SMOC2: variants seen among roughly 807,000 people sequenced by gnomAD.
The protein encoded by SMOC2 is SPARC related modular calcium binding 2, also known as SPARC-related modular calcium-binding protein 2.
A neutral mutation model predicts 61.4 loss-of-function variants in SMOC2; 39 were observed. The ratio of observed to expected loss-of-function variants is 0.64; its 90% CI spans 0.49 to 0.83. SMOC2 has a LOEUF of 0.83. SMOC2 is among the 40% of genes least tolerant of loss of function. SMOC2 has a pLI of 0.00. For missense variants in SMOC2, 556 were observed against 592.9 expected (o/e 0.94, Z 0.65); for synonymous variants, 247 against 239.9 (o/e 1.03, Z -0.27).
intron 2 of SMOC2, among the ~76,000 whole-genome samples, chr6:168,519,113 G>T (rs963601553): frequency 6.6e-6 from 1 of 150,530 alleles, no homozygotes; most frequent in Non-Finnish European, 1.5e-5. Flanking sequence ...GTGAACGCGT[G>T]TGTATGCATG....
chr6:168,615,012 T>C (rs138208644), intron 9 of SMOC2, among the ~76,000 whole-genome samples: 1,247 of 14,296 alleles, frequency 0.087, 4 homozygotes, highest in Middle Eastern at 0.17. Context: ...GGCCTCTTCA[T>C]ACCTACAGCC....
intron 8 of SMOC2, among the ~76,000 whole-genome samples, chr6:168,599,623 A>ACCACACACACCCACAC (rs1785473502): frequency 2.1e-5 from 1 of 47,768 alleles, no homozygotes; most frequent in Non-Finnish European, 4.0e-5. Flanking sequence ...ACACACTCAT[A>ACCACACACACCCACAC]CCACACACAC....
chr6:168,451,238 C>G (rs938236522), intron 1 of SMOC2, among the ~76,000 whole-genome samples: 6 of 152,120 alleles, frequency 3.9e-5, no homozygotes, highest in Non-Finnish European at 7.3e-5. Flanking sequence ...ATTGAACTCC[C>G]GAGTACATGT....
intron 8 of SMOC2, among the ~76,000 whole-genome samples, chr6:168,599,382 CCA>C (rs1388198598): frequency 1.5e-5 from 2 of 129,052 alleles, no homozygotes; most frequent in East Asian, 2.8e-4. Flanking sequence ...CCACACACAC[CCA>C]CACTCACACA....
intron 1 of SMOC2, among the ~76,000 whole-genome samples, chr6:168,443,442 G>A (rs1001746220): frequency 1.3e-5 from 2 of 152,118 alleles, no homozygotes; most frequent in Non-Finnish European, 2.9e-5. Flanking sequence ...ACCCCACGTG[G>A]GCTTTGCCCT....
intron 1 of SMOC2, among the ~76,000 whole-genome samples, chr6:168,474,909 T>C (rs368176905): frequency 1.7e-3 from 260 of 152,316 alleles, no homozygotes; most frequent in Middle Eastern, 3.4e-3. Flanking sequence ...TTCATACTTA[T>C]GGGGATGCAT....
intron 9 of SMOC2, among the ~76,000 whole-genome samples, chr6:168,609,817 A>AT (rs897772675): frequency 6.0e-5 from 9 of 149,658 alleles, no homozygotes; most frequent in East Asian, 2.0e-4. Context: ...TTCTTAACTT[A>AT]TTTTTTTTTT....
At chr6:168,508,451 G>T (rs998389778) in intron 1 of SMOC2, among the ~76,000 whole-genome samples, 33 of 152,156 alleles carry the variant, frequency 2.2e-4, no homozygotes, top group Non-Finnish European at 2.9e-4. Context: ...CAGCCTTGCC[G>T]AGTTAGCTCC....
chr6:168,497,325 C>G (rs918028854), intron 1 of SMOC2, among the ~76,000 whole-genome samples: 18 of 152,266 alleles, frequency 1.2e-4, no homozygotes, highest in African/African-American at 4.3e-4. Context: ...TAGCCTCCAG[C>G]CCTGACAACA....
At chr6:168,477,341 T>C (rs930489671) in intron 1 of SMOC2, among the ~76,000 whole-genome samples, 1 of 152,220 alleles carries the variant, frequency 6.6e-6, no homozygotes, top group Admixed American at 6.5e-5. Flanking sequence ...AGATCCCAAA[T>C]CTTACTCTTT....
At chr6:168,484,358 C>G (rs967002858) in intron 1 of SMOC2, among the ~76,000 whole-genome samples, 1 of 152,074 alleles carries the variant, frequency 6.6e-6, no homozygotes, top group Non-Finnish European at 1.5e-5. Flanking sequence ...ACATGCTTAG[C>G]ATCATGGAAA....
intron 2 of SMOC2, among the ~76,000 whole-genome samples, chr6:168,523,812 G>C (rs1783391860): frequency 6.6e-6 from 1 of 152,062 alleles, no homozygotes; most frequent in South Asian, 2.1e-4. Context: ...AACAGTTAGG[G>C]TTCTGCTTAA....
At chr6:168,495,831 G>A (rs1482133241) in intron 1 of SMOC2, among the ~76,000 whole-genome samples, 1 of 151,992 alleles carries the variant, frequency 6.6e-6, no homozygotes, top group Non-Finnish European at 1.5e-5. Context: ...TCCCCATGGT[G>A]GCTTCACCCA....
chr6:168,623,173 C>T (rs1583167989), intron 9 of SMOC2, among the ~76,000 whole-genome samples: 1 of 151,856 alleles, frequency 6.6e-6, no homozygotes, highest in Non-Finnish European at 1.5e-5. Flanking sequence ...TATAGGAAGC[C>T]CAAGAAGATA....
At chr6:168,649,201 C>T (rs1787128848) in intron 9 of SMOC2, among the ~76,000 whole-genome samples, 1 of 152,262 alleles carries the variant, frequency 6.6e-6, no homozygotes, top group Non-Finnish European at 1.5e-5. Context: ...GCGTCCTCCA[C>T]TTACTGAGTG....
At chr6:168,443,627 A>G (rs1246238223) in intron 1 of SMOC2, among the ~76,000 whole-genome samples, 4 of 152,248 alleles carry the variant, frequency 2.6e-5, no homozygotes, top group African/African-American at 9.6e-5. Context: ...CAGGCCTGAA[A>G]TCTGACTGGT....
intron 9 of SMOC2, among the ~76,000 whole-genome samples, chr6:168,613,968 AGG>A (rs551320307): frequency 9.8e-4 from 61 of 62,330 alleles, no homozygotes; most frequent in Non-Finnish European, 1.6e-3. Flanking sequence ...CAGCCAGCAC[AGG>A]GGGCCTCTTC....
At chr6:168,465,362 TC>T (rs1781803515) in intron 1 of SMOC2, among the ~76,000 whole-genome samples, 1 of 151,956 alleles carries the variant, frequency 6.6e-6, no homozygotes, top group African/African-American at 2.4e-5. Context: ...TTTTGTTTCC[TC>T]CAAAATTTCC....
chr6:168,640,737 G>A (rs1786873937), intron 9 of SMOC2, among the ~76,000 whole-genome samples: 1 of 152,154 alleles, frequency 6.6e-6, no homozygotes, highest in Non-Finnish European at 1.5e-5. Context: ...AGATACAAAA[G>A]AGGGAATGTT....
Sources: gnomAD v4.1 joint callset for allele counts (sites outside exome capture counted in the v4.1 genomes callset) on GRCh38, gnomAD v4.1.1 for gene constraint, MANE v1.5 for transcripts, NCBI Gene and HGNC (gene_info 2026-07-23, HGNC 2026-07-21) for gene names.